Variants in METTL16 observed in about 807,000 individuals in gnomAD.
METTL16 encodes methyltransferase 16, RNA N6-adenosine, also known as RNA N(6)-adenosine-methyltransferase METTL16.
A neutral mutation model predicts 57.9 loss-of-function variants in METTL16; 19 were observed. The ratio of observed to expected loss-of-function variants is 0.33; its 90% CI spans 0.23 to 0.48. The LOEUF (loss-of-function observed/expected upper bound fraction) is 0.48. METTL16 is among the 20% of genes least tolerant of loss of function. The pLI is 0.99. For synonymous variants in METTL16, 246 were observed against 255.6 expected (o/e 0.96, Z 0.36); for missense variants, 434 against 691.5 (o/e 0.63, Z 4.18).
At position 2,416,485 on chromosome 17, in the gene METTL16, A is replaced by T. The variant is rs1192046990; in HGVS notation, c.*3485T>A. 6.6e-6 allele frequency: 1 copy of T among 152,272 alleles called. No individual in the cohort carries two copies. The highest frequency in any genetic ancestry group is 1.5e-5 in the Non-Finnish European group (1 of 68,056). The allele number at this position is 152,272 out of a possible 1,614,324, so 9.4% of individuals were successfully genotyped here. ...TACTAAAGTAATCTACACGAAGCTT[A>T]GGATGAGTTGAAAGGGTACTGCCAA... On this transcript the variant is annotated 3_prime_UTR_variant, in exon 10 of 10. Coordinates refer to ENST00000263092, the MANE Select transcript of METTL16 (RefSeq NM_024086.4).
Position 2,511,784 on chromosome 17 carries a change from C to T in METTL16, c.-26G>A, listed in dbSNP as rs2067591242. The T allele has an allele frequency of 2.5e-6, 1 of 398,480 alleles. No individual in the cohort carries two copies. Among genetic ancestry groups the T allele is most frequent in the Non-Finnish European group, 4.4e-6 (1 of 226,076 alleles). The allele number at this position is 398,480 out of a possible 1,614,324, so 24.7% of individuals were successfully genotyped here. On this transcript the variant is annotated 5_prime_UTR_variant, in exon 1 of 10. Transcript: ENST00000263092. ...CTCTGAGGCCGAGGTTCCTGCCAGA[C>T]GTCGTGTCTGGCGTGGGCCTGTACA... is the stretch of plus-strand genomic sequence containing the variant.
At chr17:2,510,422 T>C (rs996447542) in intron 1 of METTL16, among the ~76,000 whole-genome samples, 1 of 152,154 alleles carries the variant, frequency 6.6e-6, no homozygotes, top group African/African-American at 2.4e-5. Flanking sequence ...TTAAGGAAAA[T>C]TCTACAGACT....
At chr17:2,494,779 C>A (rs1321009407) in intron 2 of METTL16, among the ~76,000 whole-genome samples, 2 of 151,968 alleles carry the variant, frequency 1.3e-5, no homozygotes, top group African/African-American at 4.8e-5. Flanking sequence ...GCAGGCGAAT[C>A]ATGAGGTCAG....
intron 2 of METTL16, among the ~76,000 whole-genome samples, chr17:2,489,635 A>C (rs934942677): frequency 4.0e-5 from 6 of 149,816 alleles, no homozygotes; most frequent in Non-Finnish European, 7.4e-5. Context: ...GCTACTAAGG[A>C]GGCTGAGGCA....
intron 4 of METTL16, among the ~76,000 whole-genome samples, chr17:2,469,129 C>A (rs990422121): frequency 2.0e-5 from 3 of 152,018 alleles, no homozygotes; most frequent in African/African-American, 7.2e-5. Context: ...CCCAGCTACT[C>A]AGGAGGCTGA....
At chr17:2,506,898 G>A (rs1390537500) in intron 1 of METTL16, among the ~76,000 whole-genome samples, 17 of 149,886 alleles carry the variant, frequency 1.1e-4, no homozygotes, top group African/African-American at 3.5e-4. Flanking sequence ...CTGCCCTGCC[G>A]CCCCGTCTGG....
intron 1 of METTL16, among the ~76,000 whole-genome samples, chr17:2,508,124 A>C (rs1050992707): frequency 5.3e-4 from 2 of 3,768 alleles, no homozygotes; most frequent in Non-Finnish European, 5.4e-3. Context: ...AATGATCAAT[A>C]AAAAAAAAAA....
intron 3 of METTL16, among the ~76,000 whole-genome samples, chr17:2,475,951 G>A (rs1210212852): frequency 6.6e-6 from 1 of 152,198 alleles, no homozygotes; most frequent in Non-Finnish European, 1.5e-5. Context: ...AAGCAAACTA[G>A]CTGAGAAGCA....
At chr17:2,497,831 G>A (rs2067457646) in intron 2 of METTL16, among the ~76,000 whole-genome samples, 1 of 151,278 alleles carries the variant, frequency 6.6e-6, no homozygotes, top group South Asian at 2.1e-4. Flanking sequence ...GGCTCAAGCA[G>A]TCCTCCTGCC....
intron 8 of METTL16, among the ~76,000 whole-genome samples, chr17:2,427,879 C>T (rs1016162712): frequency 2.0e-5 from 3 of 149,576 alleles, no homozygotes; most frequent in African/African-American, 4.9e-5. Context: ...TTGGGGAGGT[C>T]GAGGCAGGAG....
rs572906557 is a variant in METTL16 at position 2,418,568 on chromosome 17, C to A, written c.*1402G>T. On this transcript the variant is annotated 3_prime_UTR_variant, in exon 10 of 10. Transcript: ENST00000263092. ...TCGCACCACGGCACTCCAGCCTAGACAACAAGAGTAAAACTCCACCTCATA... is the reference window on the plus strand; with the variant it reads ...TCGCACCACGGCACTCCAGCCTAGAAAACAAGAGTAAAACTCCACCTCATA... 6.6e-6 allele frequency: 1 copy of A among 152,324 alleles called. No homozygotes were observed. The highest frequency in any genetic ancestry group is 1.5e-5 in the Non-Finnish European group (1 of 68,126). 9.4% of individuals were successfully genotyped at this position (152,324 alleles called of 1,614,324 possible).
chr17:2,419,816 G>A lies in METTL16; in HGVS notation c.*154C>T, dbSNP rs543285862. ...GTAACTCAAAAAGCGGGAAGGAGGC[G>A]GGGGGAGGTGGGGGACAGATTCATA... is the stretch of plus-strand genomic sequence containing the variant. On this transcript the variant is annotated 3_prime_UTR_variant, in exon 10 of 10. Transcript: ENST00000263092. 2.7e-5 allele frequency: 24 copies of A among 876,426 alleles called. No individual in the cohort carries two copies. Among genetic ancestry groups the A allele is most frequent in the South Asian group, 1.9e-4 (13 of 67,270 alleles). 54.3% of individuals were successfully genotyped at this position (876,426 alleles called of 1,614,324 possible).
chr17:2,418,065 C>A lies in METTL16; in HGVS notation c.*1905G>T, dbSNP rs2066733475. 6.6e-6 allele frequency: 1 copy of A among 152,058 alleles called. No homozygotes were observed. Among genetic ancestry groups the A allele is most frequent in the Non-Finnish European group, 1.5e-5 (1 of 68,032 alleles). 9.4% of individuals were successfully genotyped at this position (152,058 alleles called of 1,614,324 possible). On this transcript the variant is annotated 3_prime_UTR_variant, in exon 10 of 10. Transcript: ENST00000263092. ...TGAATTGAGTCTTGGCTCTGTGTGACCCTGGGTATTGTTTTTTGCAGCCTG... is the reference window on the plus strand; with the variant it reads ...TGAATTGAGTCTTGGCTCTGTGTGAACCTGGGTATTGTTTTTTGCAGCCTG...
intron 2 of METTL16, among the ~76,000 whole-genome samples, chr17:2,485,305 G>A (rs1269178537): frequency 3.9e-5 from 6 of 152,020 alleles, no homozygotes; most frequent in Admixed American, 1.3e-4. Context: ...AACAAGCTGC[G>A]GGAAAACAAG....
chr17:2,440,027 A>G (rs1435168979), intron 7 of METTL16, among the ~76,000 whole-genome samples: 1 of 152,154 alleles, frequency 6.6e-6, no homozygotes, highest in African/African-American at 2.4e-5. Context: ...TCTTTATAAA[A>G]AATAAGGATT....
chr17:2,423,279 T>TGTGTGTGC (rs1179639342), intron 8 of METTL16, among the ~76,000 whole-genome samples: 1 of 150,310 alleles, frequency 6.7e-6, no homozygotes, highest in Non-Finnish European at 1.5e-5. Flanking sequence ...TGTGTGTGTG[T>TGTGTGTGC]GTGTGTGTGT....
chr17:2,464,477 G>T, intron 5 of METTL16, 127 bp from the exon 6 acceptor site: 2 of 841,502 alleles, frequency 2.4e-6, no homozygotes, highest in Non-Finnish European at 3.4e-6. Context: ...GCTAGATTTA[G>T]GATTTTAAAA....
intron 6 of METTL16, among the ~76,000 whole-genome samples, chr17:2,447,155 C>T (rs529346626): frequency 6.9e-6 from 1 of 145,784 alleles, no homozygotes; most frequent in South Asian, 2.2e-4. Context: ...TTCCCCGCCG[C>T]CTTCCCATCT....
intron 4 of METTL16, among the ~76,000 whole-genome samples, chr17:2,468,495 C>T (rs770494066): frequency 1.3e-5 from 2 of 152,170 alleles, no homozygotes; most frequent in South Asian, 4.1e-4. Context: ...AACTTGACCG[C>T]AAATGCATCA....
Sources: gnomAD v4.1 joint callset for allele counts (sites outside exome capture counted in the v4.1 genomes callset) on GRCh38, gnomAD v4.1.1 for gene constraint, MANE v1.5 for transcripts, NCBI Gene and HGNC (gene_info 2026-07-23, HGNC 2026-07-21) for gene names.